CACNG4: variants seen among roughly 807,000 people sequenced by gnomAD.
CACNG4 encodes voltage-dependent calcium channel gamma-4 subunit.
In CACNG4, 8 loss-of-function variants were observed where a neutral mutation model predicts 22.9. The observed-to-expected ratio is 0.35, with a 90% CI of 0.21 to 0.63. The LOEUF is 0.63. Among genes scored for constraint, CACNG4 ranks in the 30% least tolerant of loss-of-function variants. CACNG4 has a pLI of 0.72. For missense variants in CACNG4, 357 were observed against 455.4 expected (o/e 0.78, Z 1.97); for synonymous variants, 188 against 191.9 (o/e 0.98, Z 0.17).
At chr17:66,968,490 C>T (rs191588927) in intron 1 of CACNG4, among the ~76,000 whole-genome samples, 2 of 99,446 alleles carry the variant, frequency 2.0e-5, no homozygotes, top group South Asian at 4.6e-4. Context: ...CTTCCCTCCC[C>T]TCCTCCTCTC....
intron 1 of CACNG4, among the ~76,000 whole-genome samples, chr17:66,973,377 A>G (rs918757499): frequency 6.6e-6 from 1 of 152,222 alleles, no homozygotes; most frequent in African/African-American, 2.4e-5. Flanking sequence ...AATGCCCAGA[A>G]GGCGTCCACC....
chr17:67,026,592 T>G (rs1267106657), intron 3 of CACNG4, among the ~76,000 whole-genome samples: 1 of 148,070 alleles, frequency 6.8e-6, no homozygotes, highest in Non-Finnish European at 1.5e-5. Context: ...TGTGTGTGTC[T>G]GAGGAGTGTG....
chr17:66,993,223 T>C (rs1315903201), intron 1 of CACNG4, among the ~76,000 whole-genome samples: 3 of 152,256 alleles, frequency 2.0e-5, no homozygotes, highest in Admixed American at 2.0e-4. Flanking sequence ...GCTTGGCATT[T>C]GCTGAGAGGT....
At chr17:66,972,439 C>T (rs1321142564) in intron 1 of CACNG4, among the ~76,000 whole-genome samples, 4 of 152,282 alleles carry the variant, frequency 2.6e-5, no homozygotes, top group East Asian at 3.9e-4. Context: ...GAACCAGTAG[C>T]GCTCCTCCTT....
intron 1 of CACNG4, 99 bp from the exon 2 acceptor site, chr17:67,018,090 C>G: frequency 1.1e-6 from 1 of 887,144 alleles, no homozygotes; most frequent in Non-Finnish European, 1.9e-6. Flanking sequence ...TCCCCAGGAC[C>G]TGCACAGAGG....
At chr17:67,014,837 T>C (rs761755224) in intron 1 of CACNG4, among the ~76,000 whole-genome samples, 2 of 151,188 alleles carry the variant, frequency 1.3e-5, no homozygotes, top group Non-Finnish European at 2.9e-5. Context: ...CTTGGGAGGC[T>C]GAGGCATGAG....
intron 1 of CACNG4, among the ~76,000 whole-genome samples, chr17:66,973,826 G>A (rs1207512317): frequency 6.6e-6 from 1 of 152,148 alleles, no homozygotes. Context: ...GAGAGGCCAG[G>A]GAGGGCCTGC....
Position 67,030,397 on chromosome 17 carries a change from C to A in CACNG4, c.446-69C>A. 1 of 1,373,616 alleles carries A rather than the reference C, an allele frequency of 7.3e-7. No homozygotes were observed. The highest frequency in any genetic ancestry group is 1.0e-6 in the Non-Finnish European group (1 of 979,972). 85.1% of individuals were successfully genotyped at this position (1,373,616 alleles called of 1,614,324 possible). A position where few individuals can be genotyped will look rare whatever the true frequency, so the allele number is the denominator to read the frequency against. On this transcript the variant is annotated intron_variant, in intron 3 of 3. Transcript: ENST00000262138. The surrounding 1 kb of genome is among the most constrained non-coding windows in gnomAD (Gnocchi z 6.4). ...CCACCTGTTCCCTACACTGCCCGTC[C>A]CACTGTGGGTCTAACCTCTGCCTCT...
Position 66,965,166 on chromosome 17 carries a change from A to C in CACNG4, c.220+35A>C, listed in dbSNP as rs1468300751. 26 of 1,071,150 alleles carry C rather than the reference A, an allele frequency of 2.4e-5. No homozygotes were observed. The African/African-American group carries it at 3.7e-4, about 15-fold the overall frequency. 66.4% of individuals were successfully genotyped at this position (1,071,150 alleles called of 1,614,324 possible). On this transcript the variant is annotated intron_variant, in intron 1 of 3. Coordinates refer to ENST00000262138, the MANE Select transcript of CACNG4 (RefSeq NM_014405.4). ...GCCCCGACCCCTCGCCGCCCCACACACACACACACACACACACACATATAC... is the reference window on the plus strand; with the variant it reads ...GCCCCGACCCCTCGCCGCCCCACACCCACACACACACACACACACATATAC...
chr17:67,003,067 G>A (rs1293880281), intron 1 of CACNG4, among the ~76,000 whole-genome samples: 1 of 152,028 alleles, frequency 6.6e-6, no homozygotes, highest in Admixed American at 6.6e-5. Flanking sequence ...AACCTGGCCT[G>A]CTCACTTCTG....
At position 66,979,703 on chromosome 17, in the gene CACNG4, G is replaced by A. The variant is rs574395794; in HGVS notation, c.220+14572G>A. Among the ~76,000 whole-genome samples the A allele has an allele frequency of 4.5e-4, 67 of 149,570 alleles. No individual in the cohort carries two copies. The South Asian group carries it at 0.012, about 27-fold the overall frequency. On this transcript the variant is annotated intron_variant, in intron 1 of 3. Coordinates refer to ENST00000262138, the MANE Select transcript of CACNG4 (RefSeq NM_014405.4). ...CCAGTCTCCAGACAGATGAATGGGT[G>A]TGTATGCCGATTTGACACGGCCGGT...
chr17:67,004,449 T>C (rs528560935), intron 1 of CACNG4, among the ~76,000 whole-genome samples: 1 of 152,264 alleles, frequency 6.6e-6, no homozygotes, highest in South Asian at 2.1e-4. Flanking sequence ...AGCCACAAGC[T>C]TCCACGCAGC....
At chr17:67,004,172 A>G (rs764928990) in intron 1 of CACNG4, among the ~76,000 whole-genome samples, 1 of 152,250 alleles carries the variant, frequency 6.6e-6, no homozygotes, top group Non-Finnish European at 1.5e-5. Flanking sequence ...AACCCTTAGT[A>G]CTGAGGTTTC....
In CACNG4 at chr17:66,964,953, G is replaced by A. The variant is rs2035157022; in HGVS notation, c.42G>A (p.Thr14=). ...GCGGGCTGCAGATGCTGCTGACCAC[G>A]GCCGGAGCCTTCGCCGCCTTCTCGC... ...CDRGLQMLLT[T]AGAFAAFSLM... Residue 14 remains threonine, a synonymous_variant, in exon 1 of 4, where the codon ACG becomes ACA. Coordinates refer to ENST00000262138, the MANE Select transcript of CACNG4 (RefSeq NM_014405.4). The A allele has an allele frequency of 1.3e-6, 2 of 1,588,992 alleles. No individual in the cohort carries two copies. Among genetic ancestry groups the A allele is most frequent in the African/African-American group, 2.7e-5 (2 of 73,608 alleles).
chr17:67,013,184 C>G (rs964074386), intron 1 of CACNG4, among the ~76,000 whole-genome samples: 2 of 152,050 alleles, frequency 1.3e-5, no homozygotes, highest in African/African-American at 4.8e-5. Context: ...AAGGCATGAC[C>G]TTCACGGAGG....
At chr17:66,969,446 T>C (rs902933840) in intron 1 of CACNG4, among the ~76,000 whole-genome samples, 10 of 152,244 alleles carry the variant, frequency 6.6e-5, no homozygotes, top group African/African-American at 2.4e-4. Context: ...CGCACCTGTT[T>C]TGTGCCAGCT....
chr17:67,029,743 G>A (rs1351418537), intron 3 of CACNG4, among the ~76,000 whole-genome samples: 1 of 152,240 alleles, frequency 6.6e-6, no homozygotes, highest in Non-Finnish European at 1.5e-5. Context: ...AACGTAAAAT[G>A]TTAACATTAG....
intron 1 of CACNG4, among the ~76,000 whole-genome samples, chr17:66,982,303 T>G (rs983903703): frequency 6.6e-6 from 1 of 152,196 alleles, no homozygotes; most frequent in Non-Finnish European, 1.5e-5. Context: ...CAGTGTTGAT[T>G]GGTTCGTTTT....
intron 1 of CACNG4, among the ~76,000 whole-genome samples, chr17:67,000,265 G>T (rs570069613): frequency 1.3e-5 from 2 of 152,036 alleles, no homozygotes; most frequent in Admixed American, 6.6e-5. Flanking sequence ...CTTAACTCAC[G>T]ATGACTGTTG....
Sources: gnomAD v4.1 joint callset for allele counts (sites outside exome capture counted in the v4.1 genomes callset) on GRCh38, gnomAD v4.1.1 for gene constraint, Gnocchi (gnomAD v3.1) non-coding constraint, MANE v1.5 for transcripts, NCBI Gene and HGNC (gene_info 2026-07-23, HGNC 2026-07-21) for gene names.